TAF1D: variants seen among roughly 807,000 people sequenced by gnomAD.
The protein encoded by TAF1D is TATA-box binding protein associated factor, RNA polymerase I subunit D.
In TAF1D, 23 loss-of-function variants were observed where a neutral mutation model predicts 26.2. The observed-to-expected ratio is 0.88, with a 90% confidence interval of 0.63 to 1.25. The LOEUF is 1.25. TAF1D is among the 50% of genes most tolerant of loss of function. TAF1D has a pLI of 0.00. For synonymous variants in TAF1D, 100 were observed against 105.6 expected (o/e 0.95, Z 0.33); for missense variants, 299 against 322.0 (o/e 0.93, Z 0.55).
At position 93,735,725 on chromosome 11, in the gene TAF1D, T is replaced by C; in HGVS notation, c.*436A>G. The C allele has an allele frequency of 9.7e-7, 1 of 1,028,214 alleles. No individual in the cohort carries two copies. Among genetic ancestry groups the C allele is most frequent in the Non-Finnish European group, 1.2e-6 (1 of 856,892 alleles). 63.7% of individuals were successfully genotyped at this position (1,028,214 alleles called of 1,614,324 possible). A position where few individuals can be genotyped will look rare whatever the true frequency, so the allele number is the denominator to read the frequency against. ...GGAAAGGGAAATGAGGTTATTACAA[T>C]ACTAAGCATCTGACAGGTCACTTGT... is the stretch of plus-strand genomic sequence containing the variant. On this transcript the variant is annotated 3_prime_UTR_variant, in exon 6 of 6. Coordinates refer to ENST00000448108, the MANE Select transcript of TAF1D (RefSeq NM_024116.4).
intron 5 of TAF1D, 69 bp downstream of exon 5, chr11:93,736,625 T>C (rs1940845453): frequency 6.4e-7 from 1 of 1,570,102 alleles, no homozygotes; most frequent in East Asian, 2.3e-5. Context: ...AAAAACTAAA[T>C]ATAATTCCTT....
At chr11:93,731,755 A>G (rs1230799608), downstream of TAF1D, 14 of 351,016 alleles carry the variant, frequency 4.0e-5, no homozygotes, top group South Asian at 3.1e-4. Context: ...TAACTTACCA[A>G]GAATCTTTGG....
intron 1 of TAF1D, among the ~76,000 whole-genome samples, chr11:93,740,681 G>T (rs947858404): frequency 6.6e-6 from 1 of 152,024 alleles, no homozygotes; most frequent in Non-Finnish European, 1.5e-5. Flanking sequence ...CTGGTACAAG[G>T]TCTTACTAGT....
downstream of TAF1D, chr11:93,734,451 T>C (rs1940222862): frequency 6.0e-6 from 2 of 335,706 alleles, no homozygotes; most frequent in Admixed American, 7.7e-5. Context: ...CTAAAATGAA[T>C]CTGACACATC....
intron 5 of TAF1D, 100 bp from the exon 6 acceptor site, chr11:93,736,404 G>T: frequency 6.9e-7 from 1 of 1,447,828 alleles, no homozygotes; most frequent in East Asian, 2.5e-5. Context: ...ATAACCTAGA[G>T]ACTACATGTA....
At chr11:93,733,670 T>C (rs920398898), downstream of TAF1D, 1 of 477,020 alleles carries the variant, frequency 2.1e-6, no homozygotes, top group African/African-American at 2.0e-5. Flanking sequence ...CGTGTGATTC[T>C]TGCTGAATCA....
In TAF1D at chr11:93,735,998, T is replaced by G; in HGVS notation, c.*163A>C. The G allele has an allele frequency of 7.2e-7, 1 of 1,389,356 alleles. No individual in the cohort carries two copies. The highest frequency in any genetic ancestry group is 2.8e-5 in the East Asian group (1 of 36,124). 86.1% of individuals were successfully genotyped at this position (1,389,356 alleles called of 1,614,324 possible). On this transcript the variant is annotated 3_prime_UTR_variant, in exon 6 of 6. Transcript: ENST00000448108. The stretch of plus-strand genomic sequence containing the variant: ...ATTATTACTACTTCACAAGTTTCTT[T>G]CACAAACTTCTTCACAGGGTTAAAA...
downstream of TAF1D, chr11:93,732,698 A>G (rs534948626): frequency 3.5e-6 from 1 of 282,492 alleles, no homozygotes; most frequent in Admixed American, 4.5e-5. Context: ...GTCTCTCTAT[A>G]AAACTTAAAG....
At chr11:93,732,235 G>A (rs1939270911), downstream of TAF1D, 1 of 476,512 alleles carries the variant, frequency 2.1e-6, no homozygotes, top group African/African-American at 2.0e-5. Context: ...TAGAAACAGA[G>A]AATCTTACCT....
chr11:93,734,775 A>G, downstream of TAF1D: 1 of 1,262,342 alleles, frequency 7.9e-7, no homozygotes, highest in Non-Finnish European at 1.0e-6. Context: ...CAGGCCTGGA[A>G]TCAACCTTTT....
At position 93,735,805 on chromosome 11, in the gene TAF1D, A is replaced by T; in HGVS notation, c.*356T>A. ...CAGCATTTCAAATCCCCTCTTCAAG[A>T]TGGTTGGGTGTCAAGTTACTTTAAG... On this transcript the variant is annotated 3_prime_UTR_variant, in exon 6 of 6. Coordinates refer to ENST00000448108, the MANE Select transcript of TAF1D (RefSeq NM_024116.4). 6 of 1,065,232 alleles carry T rather than the reference A, an allele frequency of 5.6e-6. No homozygotes were observed. The highest frequency in any genetic ancestry group is 6.8e-6 in the Non-Finnish European group (6 of 880,176). The allele number at this position is 1,065,232 out of a possible 1,614,324, so 66.0% of individuals were successfully genotyped here. A position where few individuals can be genotyped will look rare whatever the true frequency, so the allele number is the denominator to read the frequency against.
At chr11:93,736,846 T>A in intron 4 of TAF1D, 95 bp from the exon 5 acceptor site, 1 of 1,356,018 alleles carries the variant, frequency 7.4e-7, no homozygotes, top group Non-Finnish European at 1.0e-6. Flanking sequence ...ACTGCAATAC[T>A]AGTCAAAGGA....
chr11:93,739,008 CA>C, intron 2 of TAF1D: 1 of 533,560 alleles, frequency 1.9e-6, no homozygotes, highest in Non-Finnish European at 3.3e-6. Context: ...TAATATGACC[CA>C]AAGAATACAT....
downstream of TAF1D, chr11:93,731,363 TTAAAC>T (rs1459986954): frequency 2.5e-5 from 9 of 365,192 alleles, no homozygotes; most frequent in Non-Finnish European, 4.3e-5. Context: ...AAATAGCTAT[TTAAAC>T]TAATAGGTAT....
At position 93,741,494 on chromosome 11, in the gene TAF1D, G is replaced by C. The variant is rs764021712; in HGVS notation, c.-200C>G. 6.6e-6 allele frequency: 3 copies of C among 456,132 alleles called. No individual in the cohort carries two copies. The highest frequency in any genetic ancestry group is 3.1e-5 in the South Asian group (2 of 64,564). The allele number at this position is 456,132 out of a possible 1,614,324, so 28.3% of individuals were successfully genotyped here. A position where few individuals can be genotyped will look rare whatever the true frequency, so the allele number is the denominator to read the frequency against. ...CCTCCTCCAACCGTGCGGAAGAAAA[G>C]GGTTGGCTATTTCCGTGGCCCAAGT... On this transcript the variant is annotated 5_prime_UTR_variant, in exon 1 of 6. Transcript: ENST00000448108.
chr11:93,732,065 T>C, downstream of TAF1D: 1 of 519,018 alleles, frequency 1.9e-6, no homozygotes, highest in Non-Finnish European at 3.8e-6. Flanking sequence ...GCATAACCTG[T>C]CTCAATTTAG....
chr11:93,732,171 G>C (rs769995471), downstream of TAF1D: 1 of 510,488 alleles, frequency 2.0e-6, no homozygotes, highest in East Asian at 5.5e-5. Context: ...GTATTTGTAC[G>C]AAGTTCTTGT....
chr11:93,735,229 TA>T (rs767208969), downstream of TAF1D: 11 of 1,350,632 alleles, frequency 8.1e-6, no homozygotes, highest in East Asian at 3.6e-4. Flanking sequence ...AAAACATACA[TA>T]AGTGCAGTCC....
downstream of TAF1D, chr11:93,730,877 TGATTCAAGAGATCTAGGA>T: frequency 2.3e-6 from 1 of 439,376 alleles, no homozygotes; most frequent in Non-Finnish European, 4.4e-6. Flanking sequence ...CAAATTTGCA[TGATTCAAGAGATCTAGGA>T]GAATTTTCAA....
Sources: gnomAD v4.1 joint callset for allele counts (sites outside exome capture counted in the v4.1 genomes callset) on GRCh38, gnomAD v4.1.1 for gene constraint, MANE v1.5 for transcripts, NCBI Gene and HGNC (gene_info 2026-07-23, HGNC 2026-07-21) for gene names.